Variants in RBMS2 observed in about 807,000 individuals in gnomAD.
RBMS2 encodes RNA-binding motif, single-stranded-interacting protein 2.
A neutral mutation model predicts 58.4 loss-of-function variants in RBMS2; 38 were observed. The ratio of observed to expected loss-of-function variants is 0.65; its 90% CI spans 0.50 to 0.85. The LOEUF (loss-of-function observed/expected upper bound fraction) is 0.85, where lower values mean the gene tolerates loss of function less well. Among genes scored for constraint, RBMS2 ranks in the 40% least tolerant of loss-of-function variants. The probability of loss-of-function intolerance (pLI) is 0.00; values close to 1 mark genes in which losing one functional copy is unlikely to be tolerated. For missense variants in RBMS2, 367 were observed against 503.7 expected, an observed-to-expected ratio of 0.73 and a Z score of 2.60; for synonymous variants, 151 against 180.7, an observed-to-expected ratio of 0.84 and a Z score of 1.32.
At chr12:56,577,537 C>T (rs1022597744) in intron 5 of RBMS2, among the ~76,000 whole-genome samples, 2 of 150,942 alleles carry the variant, frequency 1.3e-5, no homozygotes, top group Non-Finnish European at 2.9e-5. Context: ...TGCATTGGTA[C>T]GATCCTGGCT....
intron 2 of RBMS2, among the ~76,000 whole-genome samples, chr12:56,564,283 C>T (rs1036429520): frequency 1.3e-5 from 2 of 152,016 alleles, no homozygotes; most frequent in African/African-American, 2.4e-5. Context: ...ACCATATATT[C>T]GTTCCTCAGT....
intron 3 of RBMS2, among the ~76,000 whole-genome samples, chr12:56,569,267 A>G (rs1881892672): frequency 6.6e-6 from 1 of 152,232 alleles, no homozygotes; most frequent in South Asian, 2.1e-4. Flanking sequence ...CTTTGAGTCT[A>G]CTGAGCTTAT....
At chr12:56,580,653 T>G (rs1411120961) in intron 5 of RBMS2, among the ~76,000 whole-genome samples, 1 of 152,210 alleles carries the variant, frequency 6.6e-6, no homozygotes, top group African/African-American at 2.4e-5. Context: ...CTCAGTAGAC[T>G]CCAACATTCC....
chr12:56,550,607 C>T (rs1288916043), intron 1 of RBMS2, among the ~76,000 whole-genome samples: 3 of 151,464 alleles, frequency 2.0e-5, no homozygotes, highest in Non-Finnish European at 4.4e-5. Flanking sequence ...TTTGAGAGGC[C>T]GAGGTGGGTG....
At chr12:56,535,517 T>C (rs1482995701) in intron 1 of RBMS2, among the ~76,000 whole-genome samples, 1 of 150,272 alleles carries the variant, frequency 6.7e-6, no homozygotes, top group Non-Finnish European at 1.5e-5. Flanking sequence ...AAAAAAAATT[T>C]ATATCCAGTC....
At position 56,594,128 on chromosome 12, in the gene RBMS2, T is replaced by G. The variant is rs539008770; in HGVS notation, c.*4995T>G. On this transcript the variant is annotated 3_prime_UTR_variant, in exon 14 of 14. Coordinates refer to ENST00000262031, the MANE Select transcript of RBMS2 (RefSeq NM_002898.4). ...CTCCTGTCACTCCAATGTCAACCCA[T>G]TGGGAGTTGAGGCCTGTCACTCCAA... The G allele has an allele frequency of 2.6e-5, 4 of 152,306 alleles. No individual in the cohort carries two copies. The South Asian group carries it at 8.3e-4, about 32-fold the overall frequency. The allele number at this position is 152,306 out of a possible 1,614,324, so 9.4% of individuals were successfully genotyped here.
At chr12:56,544,880 C>T (rs544525806) in intron 1 of RBMS2, among the ~76,000 whole-genome samples, 1 of 151,582 alleles carries the variant, frequency 6.6e-6, no homozygotes, top group African/African-American at 2.4e-5. Flanking sequence ...AGGCATGAGG[C>T]ACCACACCTG....
chr12:56,542,480 T>TA (rs773537398), intron 1 of RBMS2, among the ~76,000 whole-genome samples: 1,834 of 146,074 alleles, frequency 0.013, 53 homozygotes, highest in African/African-American at 0.041. Flanking sequence ...TTTTTTTTTT[T>TA]AAAAATGGGG....
intron 1 of RBMS2, among the ~76,000 whole-genome samples, chr12:56,529,206 A>G (rs7975238): frequency 0.41 from 62,001 of 152,064 alleles, 14,471 homozygotes; most frequent in East Asian, 0.59. Flanking sequence ...TGAATGGATA[A>G]ATAAAATACA....
intron 10 of RBMS2, among the ~76,000 whole-genome samples, chr12:56,587,329 T>A (rs970762447): frequency 1.3e-5 from 2 of 152,066 alleles, no homozygotes; most frequent in African/African-American, 4.8e-5. Flanking sequence ...CTCAGACCCT[T>A]GTGCAACCCA....
At chr12:56,525,615 C>T (rs1872534524) in intron 1 of RBMS2, among the ~76,000 whole-genome samples, 1 of 152,058 alleles carries the variant, frequency 6.6e-6, no homozygotes, top group Admixed American at 6.6e-5. Flanking sequence ...TCTCCAACCC[C>T]TGGGCTTAAG....
intron 1 of RBMS2, among the ~76,000 whole-genome samples, chr12:56,546,222 A>G (rs1877158116): frequency 1.3e-5 from 2 of 150,550 alleles, no homozygotes; most frequent in African/African-American, 2.4e-5. Flanking sequence ...GGTTCACGCC[A>G]TTCTCCTGCC....
intron 1 of RBMS2, among the ~76,000 whole-genome samples, chr12:56,547,641 ACTTTT>A (rs928099376): frequency 4.8e-5 from 7 of 145,968 alleles, no homozygotes; most frequent in African/African-American, 1.7e-4. Context: ...TTGTTCTGCT[ACTTTT>A]CTTTTCTTTT....
At chr12:56,561,651 C>T (rs1247248396) in intron 1 of RBMS2, among the ~76,000 whole-genome samples, 4 of 150,568 alleles carry the variant, frequency 2.7e-5, no homozygotes, top group African/African-American at 7.4e-5. Context: ...GGATTATAGG[C>T]GAGTGCCACT....
At chr12:56,521,747 G>C (rs951668275), upstream of RBMS2, among the ~76,000 whole-genome samples, 21 of 151,614 alleles carry the variant, frequency 1.4e-4, no homozygotes, top group African/African-American at 1.9e-4. Context: ...AAACATCTTG[G>C]GCATTAGGAC....
intron 1 of RBMS2, among the ~76,000 whole-genome samples, chr12:56,526,075 A>T (rs1254404078): frequency 6.6e-6 from 1 of 151,664 alleles, no homozygotes; most frequent in African/African-American, 2.4e-5. Flanking sequence ...GGGAGGTGGA[A>T]GTGGGCAGAT....
Position 56,550,356 on chromosome 12 carries a change from C to A in RBMS2, c.67-12061C>A, listed in dbSNP as rs1327813130. On this transcript the variant is annotated intron_variant, in intron 1 of 13. Coordinates refer to ENST00000262031, the MANE Select transcript of RBMS2 (RefSeq NM_002898.4). Reference sequence around the variant, plus strand: ...GACCAGCCTGAGCGACATGGTGAAACCCTGTCTCTACAAAAATACAAAAAT... The same window carrying A: ...GACCAGCCTGAGCGACATGGTGAAAACCTGTCTCTACAAAAATACAAAAAT... Among the ~76,000 whole-genome samples the A allele has an allele frequency of 4.0e-5, 6 of 151,872 alleles. No individual in the cohort carries two copies. The South Asian group carries it at 6.2e-4, about 16-fold the overall frequency.
chr12:56,526,440 T>C (rs1872646410), intron 1 of RBMS2, among the ~76,000 whole-genome samples: 1 of 152,098 alleles, frequency 6.6e-6, no homozygotes, highest in South Asian at 2.1e-4. Flanking sequence ...TTTCTTACTC[T>C]TTATTGGCTG....
intron 1 of RBMS2, among the ~76,000 whole-genome samples, chr12:56,561,245 T>C (rs1880332466): frequency 1.3e-5 from 2 of 152,220 alleles, no homozygotes; most frequent in Admixed American, 1.3e-4. Flanking sequence ...TGTGTCTTTA[T>C]GATAGAATGA....
Sources: gnomAD v4.1 joint callset for allele counts (sites outside exome capture counted in the v4.1 genomes callset) on GRCh38, gnomAD v4.1.1 for gene constraint, MANE v1.5 for transcripts, NCBI Gene and HGNC (gene_info 2026-07-23, HGNC 2026-07-21) for gene names.